FOXO1: variants seen among roughly 807,000 people sequenced by gnomAD.
FOXO1 encodes the protein forkhead box protein O1.
Under a neutral mutation model 44.1 loss-of-function variants are expected in FOXO1, and 6 were observed. That is an observed-to-expected ratio of 0.14 (90% CI 0.07 to 0.27). The LOEUF is 0.27. FOXO1 is among the 10% of genes least tolerant of loss of function. The pLI is 1.00. For missense variants in FOXO1, 737 were observed against 888.8 expected (o/e 0.83, Z 2.17); for synonymous variants, 380 against 362.7 (o/e 1.05, Z -0.54).
At chr13:40,570,889 C>T (rs1201580211) in intron 1 of FOXO1, among the ~76,000 whole-genome samples, 4 of 152,190 alleles carry the variant, frequency 2.6e-5, no homozygotes, top group African/African-American at 4.8e-5. Flanking sequence ...GAGGCAGAAA[C>T]GAGCAATCCC....
At chr13:40,563,979 T>C (rs560024856) in intron 1 of FOXO1, among the ~76,000 whole-genome samples, 39 of 152,282 alleles carry the variant, frequency 2.6e-4, no homozygotes, top group Admixed American at 1.2e-3. Context: ...TTGAACACAA[T>C]AGACACACAG....
intron 1 of FOXO1, among the ~76,000 whole-genome samples, chr13:40,592,635 A>G (rs1415378809): frequency 6.6e-6 from 1 of 152,238 alleles, no homozygotes; most frequent in Non-Finnish European, 1.5e-5. Flanking sequence ...GCTCCTGAAG[A>G]TCTAAATATT....
At chr13:40,571,083 G>GA (rs1874472725) in intron 1 of FOXO1, among the ~76,000 whole-genome samples, 2 of 152,154 alleles carry the variant, frequency 1.3e-5, no homozygotes, top group Non-Finnish European at 1.5e-5. Flanking sequence ...GCTCTCAAAT[G>GA]AATGTCATCA....
intron 1 of FOXO1, among the ~76,000 whole-genome samples, chr13:40,663,080 A>T (rs2137946890): frequency 6.6e-6 from 1 of 152,368 alleles, no homozygotes; most frequent in African/African-American, 2.4e-5. Flanking sequence ...ATTACACCTG[A>T]AACACTTACT....
intron 1 of FOXO1, among the ~76,000 whole-genome samples, chr13:40,567,002 G>A (rs1593380957): frequency 6.6e-6 from 1 of 152,206 alleles, no homozygotes; most frequent in East Asian, 1.9e-4. Context: ...CCTAAGAGCT[G>A]AGCCTGGCTG....
At chr13:40,619,413 T>C (rs1876535192) in intron 1 of FOXO1, 5 of 909,414 alleles carry the variant, frequency 5.5e-6, no homozygotes, top group African/African-American at 1.6e-5. Context: ...GCACAGGAAA[T>C]GCAACTCAAA....
intron 1 of FOXO1, among the ~76,000 whole-genome samples, chr13:40,564,037 C>T (rs955080913): frequency 4.6e-5 from 7 of 152,138 alleles, no homozygotes; most frequent in Non-Finnish European, 8.8e-5. Flanking sequence ...GACTCCTGTC[C>T]CTGTCACATT....
chr13:40,638,681 G>GGGA (rs933181279), intron 1 of FOXO1, among the ~76,000 whole-genome samples: 5 of 152,274 alleles, frequency 3.3e-5, no homozygotes, highest in Admixed American at 2.6e-4. Context: ...TAGGCAGTCT[G>GGGA]GGAGGAGGAG....
intron 1 of FOXO1, among the ~76,000 whole-genome samples, chr13:40,583,115 G>T (rs1875018533): frequency 6.6e-6 from 1 of 152,200 alleles, no homozygotes. Flanking sequence ...CAAAGCTCTT[G>T]TGTGAGGAGG....
chr13:40,651,083 GGTTTTTTGTTTTTT>G (rs1306280458), intron 1 of FOXO1, among the ~76,000 whole-genome samples: 2 of 125,920 alleles, frequency 1.6e-5, no homozygotes, highest in Non-Finnish European at 3.2e-5. Flanking sequence ...TAGTTTTTTT[GGTTTTTTGTTTTTT>G]GTTTTTTGTT....
At chr13:40,593,235 C>T (rs927816725) in intron 1 of FOXO1, among the ~76,000 whole-genome samples, 12 of 152,078 alleles carry the variant, frequency 7.9e-5, no homozygotes, top group Admixed American at 7.2e-4. Flanking sequence ...CCTATGTTGC[C>T]CAGGCTGGTC....
intron 1 of FOXO1, among the ~76,000 whole-genome samples, chr13:40,586,458 C>A (rs1593389198): frequency 6.6e-6 from 1 of 152,330 alleles, no homozygotes; most frequent in Non-Finnish European, 1.5e-5. Flanking sequence ...CCATCAAGAA[C>A]ACCTACTCCT....
intron 1 of FOXO1, among the ~76,000 whole-genome samples, chr13:40,654,322 T>TAAAAAAAAAAA (rs11344939): frequency 4.4e-4 from 21 of 48,190 alleles, no homozygotes; most frequent in Non-Finnish European, 8.0e-4. Flanking sequence ...CTAAAAATAC[T>TAAAAAAAAAAA]AAAAAAAAAA....
chr13:40,654,601 T>C (rs1877799936), intron 1 of FOXO1, among the ~76,000 whole-genome samples: 1 of 151,866 alleles, frequency 6.6e-6, no homozygotes, highest in East Asian at 1.9e-4. Flanking sequence ...GTCTCGAAGA[T>C]CTGTATACAA....
In FOXO1 at chr13:40,609,568, T is replaced by C. The variant is rs552367313; in HGVS notation, c.631-48708A>G. 1.5e-4 allele frequency among the ~76,000 whole-genome samples: 23 copies of C among 152,306 alleles called. 1 individual carries two copies. In the East Asian group the frequency reaches 4.4e-3, roughly 29 times the overall value. On this transcript the variant is annotated intron_variant, in intron 1 of 2. Coordinates refer to ENST00000379561, the MANE Select transcript of FOXO1 (RefSeq NM_002015.4). ...GGCTAATTTCTTCAATTCTGGACTG[T>C]AGATAATTAGGATTGACTATAAAAA...
chr13:40,655,634 CTTCTT>C (rs1469877741), intron 1 of FOXO1, among the ~76,000 whole-genome samples: 35 of 115,226 alleles, frequency 3.0e-4, no homozygotes, highest in Admixed American at 1.1e-3. Context: ...GTTTTCTACA[CTTCTT>C]TTTTTTTTTT....
intron 1 of FOXO1, among the ~76,000 whole-genome samples, chr13:40,608,437 A>G (rs1453796857): frequency 1.3e-5 from 2 of 152,244 alleles, no homozygotes; most frequent in Admixed American, 1.3e-4. Context: ...AGGCTGCTGC[A>G]GGGAATCTCA....
intron 1 of FOXO1, among the ~76,000 whole-genome samples, chr13:40,607,008 G>T (rs1876022998): frequency 6.6e-6 from 1 of 152,080 alleles, no homozygotes; most frequent in African/African-American, 2.4e-5. Flanking sequence ...TTTGTAGTTA[G>T]GCCCCCAAAA....
At chr13:40,643,940 G>T (rs540800892) in intron 1 of FOXO1, among the ~76,000 whole-genome samples, 1 of 152,236 alleles carries the variant, frequency 6.6e-6, no homozygotes, top group East Asian at 1.9e-4. Flanking sequence ...GATGTGACTT[G>T]TCTAAATAGG....
Sources: allele counts gnomAD v4.1 joint callset (sites outside exome capture counted in the v4.1 genomes callset), GRCh38; gene constraint gnomAD v4.1.1; transcripts MANE v1.5; gene names NCBI Gene and HGNC (gene_info 2026-07-23, HGNC 2026-07-21).